Variants in PTPRG observed in about 807,000 individuals in gnomAD.
The protein encoded by PTPRG is protein tyrosine phosphatase receptor type G, also known as receptor-type tyrosine-protein phosphatase gamma.
In PTPRG, 102 loss-of-function variants were observed where a neutral mutation model predicts 165.3. That is an observed-to-expected ratio of 0.62 (90% CI 0.53 to 0.73). The LOEUF (loss-of-function observed/expected upper bound fraction) is 0.73, where lower values mean the gene tolerates loss of function less well. Ranked by LOEUF, PTPRG falls within the 30% of genes least tolerant of loss-of-function variation. PTPRG has a pLI of 0.00. For synonymous variants in PTPRG, 675 were observed against 669.5 expected, an observed-to-expected ratio of 1.01 and a Z score of -0.13; for missense variants, 1,866 against 1,861.4, an observed-to-expected ratio of 1.00 and a Z score of -0.05.
chr3:61,595,185 G>GT (rs869290260), intron 1 of PTPRG, among the ~76,000 whole-genome samples: 21 of 148,838 alleles, frequency 1.4e-4, no homozygotes, highest in African/African-American at 4.0e-4. Flanking sequence ...AGATGTGTTT[G>GT]TTTTTTTTTT....
chr3:61,607,474 C>CT (rs1701044651), intron 1 of PTPRG, among the ~76,000 whole-genome samples: 1 of 138,486 alleles, frequency 7.2e-6, no homozygotes, highest in African/African-American at 2.6e-5. Context: ...TCTGAGACTG[C>CT]TCAGCCACAT....
At chr3:61,714,881 C>G (rs2031736576) in intron 1 of PTPRG, among the ~76,000 whole-genome samples, 1 of 152,204 alleles carries the variant, frequency 6.6e-6, no homozygotes, top group African/African-American at 2.4e-5. Context: ...TTTTCCATTA[C>G]TGGTACCTGA....
intron 1 of PTPRG, among the ~76,000 whole-genome samples, chr3:61,671,138 C>CTTTTTTTTTTT (rs11356444): frequency 1.6e-5 from 2 of 125,012 alleles, no homozygotes; most frequent in African/African-American, 5.9e-5. Flanking sequence ...TATGAACTTT[C>CTTTTTTTTTTT]TTTTTTTTTT....
intron 2 of PTPRG, among the ~76,000 whole-genome samples, chr3:61,982,377 T>C (rs1349707575): frequency 2.0e-5 from 3 of 152,130 alleles, no homozygotes; most frequent in Non-Finnish European, 4.4e-5. Context: ...TGATCCCAAT[T>C]ATTGGTAGAA....
intron 5 of PTPRG, among the ~76,000 whole-genome samples, chr3:62,080,082 T>TTTTTG (rs1701515440): frequency 6.7e-6 from 1 of 149,682 alleles, no homozygotes; most frequent in African/African-American, 2.5e-5. Context: ...TTTTTTTTTT[T>TTTTTG]GAGATGGAGT....
chr3:62,239,179 G>T (rs1222571222), intron 14 of PTPRG, among the ~76,000 whole-genome samples: 2 of 152,060 alleles, frequency 1.3e-5, no homozygotes, highest in African/African-American at 4.8e-5. Flanking sequence ...GAAGAGAAAT[G>T]ATAATTTTGG....
chr3:61,903,165 A>G (rs1030076848), intron 2 of PTPRG, among the ~76,000 whole-genome samples: 1 of 151,886 alleles, frequency 6.6e-6, no homozygotes, highest in Admixed American at 6.6e-5. Context: ...TGTTCTCTCC[A>G]TCTGGTATTT....
chr3:61,648,475 G>A (rs533136100), intron 1 of PTPRG, among the ~76,000 whole-genome samples: 2 of 152,346 alleles, frequency 1.3e-5, no homozygotes, highest in Non-Finnish European at 2.9e-5. Context: ...AAACTGGGCA[G>A]CAAAAGAGAG....
At chr3:61,564,200 C>G (rs551419872) in intron 1 of PTPRG, among the ~76,000 whole-genome samples, 1 of 152,356 alleles carries the variant, frequency 6.6e-6, no homozygotes, top group Non-Finnish European at 1.5e-5. Flanking sequence ...TTTCTAGTCT[C>G]CCCTGCTTTA....
At chr3:62,067,172 T>A (rs115087180) in intron 4 of PTPRG, among the ~76,000 whole-genome samples, 2,186 of 151,990 alleles carry the variant, frequency 0.014, 48 homozygotes, top group African/African-American at 0.05. Flanking sequence ...CCATGCCCAC[T>A]GATAATGTTT....
chr3:61,675,749 A>G (rs1338401767), intron 1 of PTPRG, among the ~76,000 whole-genome samples: 2 of 152,170 alleles, frequency 1.3e-5, no homozygotes, highest in African/African-American at 2.4e-5. Context: ...TAAGTTGAGG[A>G]TAGTTTTTGC....
chr3:62,065,672 T>C (rs755403613), intron 4 of PTPRG, among the ~76,000 whole-genome samples: 5 of 152,242 alleles, frequency 3.3e-5, no homozygotes, highest in Non-Finnish European at 5.9e-5. Flanking sequence ...TCCATAGTCA[T>C]TTAATGAGTG....
intron 26 of PTPRG, among the ~76,000 whole-genome samples, chr3:62,279,109 GCA>G (rs1403273013): frequency 1.3e-5 from 2 of 151,916 alleles, no homozygotes; most frequent in African/African-American, 4.8e-5. Context: ...TTTCATCATT[GCA>G]CAGTTTTTCC....
At position 62,078,319 on chromosome 3, in the gene PTPRG, G is replaced by A. The variant is rs928446627; in HGVS notation, c.615+61G>A. 2.1e-5 allele frequency: 25 copies of A among 1,202,498 alleles called. No homozygotes were observed. In the East Asian group the frequency reaches 2.4e-4, roughly 12 times the overall value. 74.5% of individuals were successfully genotyped at this position (1,202,498 alleles called of 1,614,324 possible). A position where few individuals can be genotyped will look rare whatever the true frequency, so the allele number is the denominator to read the frequency against. On this transcript the variant is annotated intron_variant, in intron 5 of 29. Coordinates refer to ENST00000474889, the MANE Select transcript of PTPRG (RefSeq NM_002841.4). ...CTTTGAGTATTTTTTTTAATTTGCC[G>A]AATTGTTCCATGTTTAATGAATGCA...
At chr3:62,009,573 C>T (rs945650361) in intron 4 of PTPRG, among the ~76,000 whole-genome samples, 1 of 152,154 alleles carries the variant, frequency 6.6e-6, no homozygotes, top group East Asian at 1.9e-4. Flanking sequence ...TGAAGTCGAT[C>T]GGGGTTCTTC....
chr3:61,975,487 A>T (rs2040482222), intron 2 of PTPRG, among the ~76,000 whole-genome samples: 1 of 152,124 alleles, frequency 6.6e-6, no homozygotes. Context: ...TTTTATTTCT[A>T]ATGAGGTTCT....
At chr3:61,892,566 C>T (rs1192265370) in intron 2 of PTPRG, among the ~76,000 whole-genome samples, 1 of 152,038 alleles carries the variant, frequency 6.6e-6, no homozygotes, top group Non-Finnish European at 1.5e-5. Context: ...CCTGTAATTC[C>T]AGCACTTTGG....
rs530011351 is a variant in PTPRG, at chr3:62,014,596, C to T, written c.519+11099C>T. Among the ~76,000 whole-genome samples the T allele has an allele frequency of 7.2e-5, 11 of 152,324 alleles. 1 individual carries two copies. The highest frequency in any genetic ancestry group is 2.6e-4 in the African/African-American group (11 of 41,582). On this transcript the variant is annotated intron_variant, in intron 4 of 29. Coordinates refer to ENST00000474889, the MANE Select transcript of PTPRG (RefSeq NM_002841.4). ...AAAATTCAGTATTTCAGGGAATTTTCTGAGTTCATGCCTCTGTGTTCAGCA... is the reference window on the plus strand; with the variant it reads ...AAAATTCAGTATTTCAGGGAATTTTTTGAGTTCATGCCTCTGTGTTCAGCA...
chr3:61,731,220 C>T (rs904124800), intron 1 of PTPRG, among the ~76,000 whole-genome samples: 1 of 152,050 alleles, frequency 6.6e-6, no homozygotes, highest in Non-Finnish European at 1.5e-5. Flanking sequence ...GTAGAGTTCC[C>T]TTAAATTGTG....
Sources: gnomAD v4.1 joint callset for allele counts (sites outside exome capture counted in the v4.1 genomes callset) on GRCh38, gnomAD v4.1.1 for gene constraint, MANE v1.5 for transcripts, NCBI Gene and HGNC (gene_info 2026-07-23, HGNC 2026-07-21) for gene names.